The following PACSIN2 variants were observed in gnomAD, a reference collection of about 807,000 sequenced individuals.
PACSIN2 encodes protein kinase C and casein kinase substrate in neurons 2, also known as protein kinase C and casein kinase substrate in neurons protein 2.
A neutral mutation model predicts 63.8 loss-of-function variants in PACSIN2; 25 were observed. The ratio of observed to expected loss-of-function variants is 0.39; its 90% CI spans 0.29 to 0.55. The LOEUF (loss-of-function observed/expected upper bound fraction) is 0.55, where lower values mean the gene tolerates loss of function less well. Among genes scored for constraint, PACSIN2 ranks in the 20% least tolerant of loss-of-function variants. The pLI, the probability that PACSIN2 is intolerant of heterozygous loss-of-function variation, is 0.62. For synonymous variants in PACSIN2, 255 were observed against 256.2 expected (o/e 1.00, Z 0.05); for missense variants, 518 against 646.9 (o/e 0.80, Z 2.16).
chr22:42,896,687 C>T (rs752733149), intron 2 of PACSIN2, among the ~76,000 whole-genome samples: 12 of 152,126 alleles, frequency 7.9e-5, no homozygotes, highest in Admixed American at 2.0e-4. Context: ...ACAAAACTGC[C>T]GAACTGCTAC....
intron 1 of PACSIN2, among the ~76,000 whole-genome samples, chr22:42,975,622 C>T (rs60752002): frequency 0.6 from 84,747 of 141,468 alleles, 25,747 homozygotes; most frequent in East Asian, 0.77. Flanking sequence ...TTTTTTTTTT[C>T]CCTTTTTCTA....
chr22:42,890,193 G>A (rs1929803505), intron 4 of PACSIN2, among the ~76,000 whole-genome samples: 1 of 151,894 alleles, frequency 6.6e-6, no homozygotes, highest in African/African-American at 2.4e-5. Flanking sequence ...GTAGAGATGG[G>A]GTTTCATCAT....
chr22:42,916,451 G>A (rs928733085), intron 1 of PACSIN2, among the ~76,000 whole-genome samples: 1 of 152,036 alleles, frequency 6.6e-6, no homozygotes, highest in African/African-American at 2.4e-5. Context: ...GGCAGGCACC[G>A]AGCTGAGTTC....
At chr22:42,999,069 G>A (rs563944439) in intron 1 of PACSIN2, among the ~76,000 whole-genome samples, 19 of 152,254 alleles carry the variant, frequency 1.2e-4, no homozygotes, top group Admixed American at 2.6e-4. Flanking sequence ...CAGATAATTC[G>A]GGATGCTGAA....
At chr22:42,885,952 G>A (rs1929444701) in intron 5 of PACSIN2, among the ~76,000 whole-genome samples, 2 of 152,194 alleles carry the variant, frequency 1.3e-5, no homozygotes, top group African/African-American at 4.8e-5. Flanking sequence ...TGGCAGCCCT[G>A]CATGGGAGCC....
At chr22:42,949,713 C>A (rs970080610) in intron 1 of PACSIN2, among the ~76,000 whole-genome samples, 1 of 134,998 alleles carries the variant, frequency 7.4e-6, no homozygotes, top group Non-Finnish European at 1.5e-5. Flanking sequence ...CACTCTCTCA[C>A]ACACACACAC....
intron 1 of PACSIN2, among the ~76,000 whole-genome samples, chr22:43,006,355 C>T (rs1924090558): frequency 6.6e-6 from 1 of 152,098 alleles, no homozygotes; most frequent in South Asian, 2.1e-4. Flanking sequence ...GGCCAAAAGC[C>T]GCACAGTCAC....
At chr22:42,879,943 G>A (rs1171887574) in intron 7 of PACSIN2, among the ~76,000 whole-genome samples, 1 of 152,142 alleles carries the variant, frequency 6.6e-6, no homozygotes, top group Non-Finnish European at 1.5e-5. Flanking sequence ...CGCTCCTCCT[G>A]GAAGCCTCAC....
chr22:42,998,840 A>C (rs1174364638), intron 1 of PACSIN2, among the ~76,000 whole-genome samples: 1 of 152,154 alleles, frequency 6.6e-6, no homozygotes, highest in Non-Finnish European at 1.5e-5. Context: ...CCAGGAGCAG[A>C]AGAGTGGCAG....
In PACSIN2 at chr22:42,871,856, C is replaced by T. The variant is rs1157973619; in HGVS notation, c.1349-387G>A. On this transcript the variant is annotated intron_variant, in intron 10 of 10. Transcript: ENST00000263246. This position sits in a 1 kb window ranked among gnomAD's most constrained non-coding sequence, Gnocchi z 5.4. ...CCTCTTCTGTCCCCTCCCCAGGGCCCCGGCCGCCTTGCTCCCAGCAGCTGT... is the reference window on the plus strand; with the variant it reads ...CCTCTTCTGTCCCCTCCCCAGGGCCTCGGCCGCCTTGCTCCCAGCAGCTGT... 1.6e-5 allele frequency among the ~76,000 whole-genome samples: 2 copies of T among 128,878 alleles called. No homozygotes were observed. Among genetic ancestry groups the T allele is most frequent in the Non-Finnish European group, 3.8e-5 (2 of 52,510 alleles). The allele number at this position is 128,878 out of a possible 152,430, so 84.5% of individuals were successfully genotyped here. A position where few individuals can be genotyped will look rare whatever the true frequency, so the allele number is the denominator to read the frequency against.
chr22:42,884,307 G>A, intron 6 of PACSIN2, 79 bp downstream of exon 6: 1 of 1,357,268 alleles, frequency 7.4e-7, no homozygotes, highest in Non-Finnish European at 1.0e-6. Context: ...CCAAACCTGG[G>A]AGCAGCATCT....
chr22:42,994,545 C>A (rs1233040829), intron 1 of PACSIN2, among the ~76,000 whole-genome samples: 2 of 152,242 alleles, frequency 1.3e-5, no homozygotes, highest in Admixed American at 1.3e-4. Context: ...CAGTGCACAG[C>A]CTACCCTCAG....
At chr22:42,913,897 TA>T (rs1931634771) in intron 1 of PACSIN2, among the ~76,000 whole-genome samples, 1 of 152,194 alleles carries the variant, frequency 6.6e-6, no homozygotes. Context: ...TCCTACAACC[TA>T]AAATTGGATT....
At chr22:42,909,433 A>G in intron 2 of PACSIN2, 1 of 432,486 alleles carries the variant, frequency 2.3e-6, no homozygotes, top group Non-Finnish European at 4.9e-6. Context: ...CTGCCTGGGA[A>G]GATGTGCAGT....
intron 2 of PACSIN2, among the ~76,000 whole-genome samples, chr22:42,896,959 C>CA (rs1930331996): frequency 1.3e-5 from 2 of 151,978 alleles, no homozygotes; most frequent in Non-Finnish European, 2.9e-5. Flanking sequence ...CTTTTTGAGA[C>CA]AGGGTCTTGC....
chr22:42,909,093 A>T (rs1348422450), intron 2 of PACSIN2, among the ~76,000 whole-genome samples: 2 of 152,120 alleles, frequency 1.3e-5, no homozygotes, highest in Non-Finnish European at 2.9e-5. Context: ...ACAGGTCAGT[A>T]TGGGTTCCTT....
At chr22:42,987,704 T>C (rs1922735260) in intron 1 of PACSIN2, among the ~76,000 whole-genome samples, 2 of 151,694 alleles carry the variant, frequency 1.3e-5, no homozygotes, top group Admixed American at 1.3e-4. Context: ...GCTAATTTTT[T>C]GTATTTTTAG....
Position 42,959,718 on chromosome 22 carries a change from G to T in PACSIN2, c.-77-47561C>A, listed in dbSNP as rs372110284. ...TTCTGTTAAATCAGTCACTCAGTGAGAAAGAAAACAATTCCGTGAAAATTC... is the reference window on the plus strand; with the variant it reads ...TTCTGTTAAATCAGTCACTCAGTGATAAAGAAAACAATTCCGTGAAAATTC... On this transcript the variant is annotated intron_variant, in intron 1 of 10. Coordinates refer to ENST00000263246, the MANE Select transcript of PACSIN2 (RefSeq NM_001184970.3). 1.2e-4 allele frequency: 19 copies of T among 152,332 alleles called. 1 individual carries two copies. In the East Asian group the frequency reaches 3.1e-3, roughly 25 times the overall value. The allele number at this position is 152,332 out of a possible 1,614,324, so 9.4% of individuals were successfully genotyped here. A position where few individuals can be genotyped will look rare whatever the true frequency, so the allele number is the denominator to read the frequency against.
intron 1 of PACSIN2, among the ~76,000 whole-genome samples, chr22:42,983,912 G>A (rs1323025406): frequency 1.3e-5 from 2 of 150,900 alleles, no homozygotes; most frequent in Non-Finnish European, 2.9e-5. Flanking sequence ...ATAAACTAGT[G>A]TAAACCTGGG....
Sources: allele counts gnomAD v4.1 joint callset (sites outside exome capture counted in the v4.1 genomes callset), GRCh38; gene constraint gnomAD v4.1.1; non-coding constraint Gnocchi (gnomAD v3.1); transcripts MANE v1.5; gene names NCBI Gene and HGNC (gene_info 2026-07-23, HGNC 2026-07-21).